Variants in STX8 observed in about 807,000 individuals in gnomAD.
STX8 encodes the protein syntaxin-8.
A neutral mutation model predicts 37.5 loss-of-function variants in STX8; 23 were observed. That is an observed-to-expected ratio of 0.61 (90% CI 0.44 to 0.87). The LOEUF (loss-of-function observed/expected upper bound fraction) is 0.87, where lower values mean the gene tolerates loss of function less well. STX8 is among the 40% of genes least tolerant of loss of function. The pLI, the probability that STX8 is intolerant of heterozygous loss-of-function variation, is 0.00. For synonymous variants in STX8, 115 were observed against 99.1 expected, an observed-to-expected ratio of 1.16 and a Z score of -0.95; for missense variants, 313 against 284.7, an observed-to-expected ratio of 1.10 and a Z score of -0.71.
chr17:9,401,202 T>C (rs374551461), intron 6 of STX8, among the ~76,000 whole-genome samples: 4 of 152,324 alleles, frequency 2.6e-5, no homozygotes, highest in East Asian at 3.9e-4. Flanking sequence ...TAAAAATAAT[T>C]AGAGATTGAG....
intron 6 of STX8, among the ~76,000 whole-genome samples, chr17:9,406,374 A>G (rs1013307147): frequency 6.6e-6 from 1 of 152,222 alleles, no homozygotes; most frequent in African/African-American, 2.4e-5. Flanking sequence ...TACTGGAGCG[A>G]TAACTGCTCA....
chr17:9,451,770 C>T (rs931737796), intron 6 of STX8, among the ~76,000 whole-genome samples: 4 of 149,228 alleles, frequency 2.7e-5, no homozygotes, highest in African/African-American at 9.9e-5. Context: ...TTCATATATA[C>T]ACAAAAATAT....
intron 2 of STX8, among the ~76,000 whole-genome samples, chr17:9,565,395 C>T (rs929744125): frequency 4.6e-5 from 7 of 152,058 alleles, no homozygotes; most frequent in Admixed American, 2.6e-4. Context: ...GCGGGCAGAT[C>T]ACTTGAGGTC....
In STX8 at chr17:9,321,222, T is replaced by A. The variant is rs1909566395; in HGVS notation, c.643+57330A>T. Reference sequence around the variant, plus strand: ...TCTATATCAGGAAATCAATAGGTAATGTCTAAAGTTGAAAAATCAAAAATA... The same window carrying A: ...TCTATATCAGGAAATCAATAGGTAAAGTCTAAAGTTGAAAAATCAAAAATA... On this transcript the variant is annotated intron_variant, in intron 7 of 7. Transcript: ENST00000306357. Among the ~76,000 whole-genome samples, 2 of 152,088 alleles carry A rather than the reference T, an allele frequency of 1.3e-5. 1 individual carries two copies. Among genetic ancestry groups the A allele is most frequent in the South Asian group, 4.2e-4 (2 of 4,818 alleles).
intron 7 of STX8, among the ~76,000 whole-genome samples, chr17:9,335,343 A>G (rs1910100989): frequency 6.6e-6 from 1 of 152,190 alleles, no homozygotes; most frequent in Non-Finnish European, 1.5e-5. Flanking sequence ...TTTGAGTGCT[A>G]TTTCTTTTGC....
intron 6 of STX8, among the ~76,000 whole-genome samples, chr17:9,483,898 T>C (rs1423590371): frequency 6.6e-6 from 1 of 152,144 alleles, no homozygotes; most frequent in Non-Finnish European, 1.5e-5. Flanking sequence ...GGAAGTACTT[T>C]TAGGCAAAAA....
At chr17:9,331,181 G>A (rs1014755681) in intron 7 of STX8, among the ~76,000 whole-genome samples, 2 of 152,148 alleles carry the variant, frequency 1.3e-5, no homozygotes, top group Non-Finnish European at 2.9e-5. Flanking sequence ...CCATTTCCAT[G>A]AGGTATCAAA....
intron 6 of STX8, among the ~76,000 whole-genome samples, chr17:9,402,732 C>CT (rs11377137): frequency 0.57 from 86,514 of 151,966 alleles, 25,198 homozygotes; most frequent in East Asian, 0.78. Context: ...TGGCTGAACT[C>CT]TAAGAATTCC....
chr17:9,270,113 C>T (rs1042661861), intron 7 of STX8, among the ~76,000 whole-genome samples: 1 of 152,236 alleles, frequency 6.6e-6, no homozygotes, highest in Non-Finnish European at 1.5e-5. Flanking sequence ...TCGTGCCTAG[C>T]ACAGAGCTCA....
rs550897250 is a variant in STX8 at position 9,355,489 on chromosome 17, C to T, written c.643+23063G>A. Among the ~76,000 whole-genome samples, 31 of 150,662 alleles carry T rather than the reference C, an allele frequency of 2.1e-4. 2 individuals are homozygous for T. The South Asian group carries it at 6.6e-3, about 32-fold the overall frequency. The stretch of plus-strand genomic sequence containing the variant: ...AGCTGGGACTACAGGCATGCACCAC[C>T]ACACCTAGCAATTTTTTTTTTTTTT... On this transcript the variant is annotated intron_variant, in intron 7 of 7. Coordinates refer to ENST00000306357, the MANE Select transcript of STX8 (RefSeq NM_004853.3).
At chr17:9,302,280 TTTTG>T (rs755367631) in intron 7 of STX8, among the ~76,000 whole-genome samples, 4 of 152,102 alleles carry the variant, frequency 2.6e-5, no homozygotes, top group Non-Finnish European at 5.9e-5. Flanking sequence ...AATATGGTGG[TTTTG>T]TTTTTTTTCT....
Position 9,397,050 on chromosome 17 carries a change from G to A in STX8, c.542-18397C>T, listed in dbSNP as rs541933306. Among the ~76,000 whole-genome samples, 7 of 152,334 alleles carry A rather than the reference G, an allele frequency of 4.6e-5. No individual in the cohort carries two copies. In the East Asian group the frequency reaches 1.4e-3, roughly 29 times the overall value. On this transcript the variant is annotated intron_variant, in intron 6 of 7. Transcript: ENST00000306357. ...CTAGTTGGTAAAGTTGTTTCCCACA[G>A]GGGTACAGGTTAACAATTCTGACAC... is the stretch of plus-strand genomic sequence containing the variant.
intron 4 of STX8, among the ~76,000 whole-genome samples, chr17:9,520,338 A>G (rs1270757404): frequency 6.6e-6 from 1 of 152,214 alleles, no homozygotes. Context: ...TTGAAAGGGA[A>G]TTTGGTCAGT....
At chr17:9,359,873 T>C (rs1385554163) in intron 7 of STX8, among the ~76,000 whole-genome samples, 1 of 152,056 alleles carries the variant, frequency 6.6e-6, no homozygotes, top group African/African-American at 2.4e-5. Context: ...GGTGATTTTA[T>C]TTCTCTTTGG....
chr17:9,332,146 G>C (rs1909980818), intron 7 of STX8, among the ~76,000 whole-genome samples: 1 of 152,150 alleles, frequency 6.6e-6, no homozygotes, highest in South Asian at 2.1e-4. Flanking sequence ...TTGTTACTAG[G>C]ATTTCTTAGC....
intron 4 of STX8, among the ~76,000 whole-genome samples, chr17:9,519,482 C>T (rs574036416): frequency 6.6e-6 from 1 of 152,240 alleles, no homozygotes; most frequent in Admixed American, 6.5e-5. Context: ...TTGGCTCAGA[C>T]ACCCATCACC....
chr17:9,463,497 G>C lies in STX8; in HGVS notation c.541+28332C>G, dbSNP rs182473410. On this transcript the variant is annotated intron_variant, in intron 6 of 7. Transcript: ENST00000306357. ...TTCAAAGTCAAATATTTACAGGCTGGGTGCGGTGGCTCACGCCTGCACTTT... is the reference window on the plus strand; with the variant it reads ...TTCAAAGTCAAATATTTACAGGCTGCGTGCGGTGGCTCACGCCTGCACTTT... Among the ~76,000 whole-genome samples the C allele has an allele frequency of 9.2e-5, 14 of 152,242 alleles. No homozygotes were observed. In the East Asian group the frequency reaches 2.7e-3, roughly 29 times the overall value.
At chr17:9,252,326 C>A (rs1906613992) in intron 7 of STX8, among the ~76,000 whole-genome samples, 1 of 152,154 alleles carries the variant, frequency 6.6e-6, no homozygotes, top group Non-Finnish European at 1.5e-5. Flanking sequence ...CGCCTGTAGT[C>A]CCACCTACTT....
At position 9,438,240 on chromosome 17, in the gene STX8, C is replaced by CAA. The variant is rs1297626169; in HGVS notation, c.541+53587_541+53588dup. On this transcript the variant is annotated intron_variant, in intron 6 of 7. Coordinates refer to ENST00000306357, the MANE Select transcript of STX8 (RefSeq NM_004853.3). ...CCTGGGTGAGAGTGAGACTCCATCT[C>CAA]AAAAAAAAAAAAAAAAAAAGGCCAT... 5.2e-3 allele frequency among the ~76,000 whole-genome samples: 342 copies of CAA among 66,244 alleles called. 5 individuals are homozygous for CAA. The highest frequency in any genetic ancestry group is 0.018 in the African/African-American group (309 of 17,102). 43.5% of individuals were successfully genotyped at this position (66,244 alleles called of 152,430 possible). A position where few individuals can be genotyped will look rare whatever the true frequency, so the allele number is the denominator to read the frequency against.
Sources: gnomAD v4.1 joint callset for allele counts (sites outside exome capture counted in the v4.1 genomes callset) on GRCh38, gnomAD v4.1.1 for gene constraint, MANE v1.5 for transcripts, NCBI Gene and HGNC (gene_info 2026-07-23, HGNC 2026-07-21) for gene names.